MYOM2: variants seen among roughly 807,000 people sequenced by gnomAD.
The protein encoded by MYOM2 is myomesin-2.
MYOM2 carries 254 observed loss-of-function variants against 187.6 expected under a neutral mutation model. The observed-to-expected ratio is 1.35, with a 90% CI of 1.22 to 1.50. The LOEUF (loss-of-function observed/expected upper bound fraction) is 1.50. MYOM2 is among the 40% of genes most tolerant of loss of function. The pLI, the probability that MYOM2 is intolerant of heterozygous loss-of-function variation, is 0.00. For synonymous variants in MYOM2, 981 were observed against 753.8 expected, an observed-to-expected ratio of 1.30 and a Z score of -4.94; for missense variants, 2,796 against 1,924.0, an observed-to-expected ratio of 1.45 and a Z score of -8.48.
rs1819139250 is a variant in MYOM2 at position 2,069,442 on chromosome 8, T to C, written c.743-5T>C. ...TTCTGCTGCACTCACTTTGCTGTCTTGCAGGGTTCCGGGGAGACGAGGAAC... is the reference window on the plus strand; with the variant it reads ...TTCTGCTGCACTCACTTTGCTGTCTCGCAGGGTTCCGGGGAGACGAGGAAC... On this transcript the variant is annotated splice_region_variant and splice_polypyrimidine_tract_variant and intron_variant, in intron 7 of 36. Transcript: ENST00000262113. 2 of 1,614,226 alleles carry C rather than the reference T, an allele frequency of 1.2e-6. No individual in the cohort carries two copies. The highest frequency in any genetic ancestry group is 1.7e-6 in the Non-Finnish European group (2 of 1,180,032).
At chr8:2,093,760 G>A (rs1258587097) in intron 16 of MYOM2, among the ~76,000 whole-genome samples, 1 of 152,228 alleles carries the variant, frequency 6.6e-6, no homozygotes, top group Admixed American at 6.5e-5. Flanking sequence ...AGTGGCTTTG[G>A]CACCACGTGT....
At chr8:2,049,499 T>C (rs1818414511) in intron 1 of MYOM2, among the ~76,000 whole-genome samples, 1 of 152,144 alleles carries the variant, frequency 6.6e-6, no homozygotes, top group Non-Finnish European at 1.5e-5. Flanking sequence ...ACCCTGGAGA[T>C]CTGAACTATG....
chr8:2,079,645 G>GC (rs767271731), intron 13 of MYOM2, 32 bp downstream of exon 13: 19 of 1,608,340 alleles, frequency 1.2e-5, no homozygotes, highest in African/African-American at 6.7e-5. Context: ...CAGCTGCTCA[G>GC]CCCCTGGGGA....
chr8:2,083,977 G>A (rs556916965), intron 13 of MYOM2, among the ~76,000 whole-genome samples: 18 of 152,212 alleles, frequency 1.2e-4, no homozygotes, highest in Non-Finnish European at 2.4e-4. Flanking sequence ...TGCTGTCAGC[G>A]GCTCACACCT....
At chr8:2,085,529 T>A (rs1208582706) in intron 14 of MYOM2, 139 bp downstream of exon 14, 1 of 522,108 alleles carries the variant, frequency 1.9e-6, no homozygotes. Context: ...CCCACTGTTG[T>A]GATCTCTGCG....
In MYOM2 at chr8:2,078,911, C is replaced by T. The variant is rs769508658; in HGVS notation, c.1440C>T (p.Pro480=). The change falls in exon 12 of 37, where the codon CCC becomes CCT. Residue 480 remains proline, a synonymous_variant. Coordinates refer to ENST00000262113, the MANE Select transcript of MYOM2 (RefSeq NM_003970.4). Reference sequence around the variant, plus strand: ...CTGATGCGGTGGCTGCACTTGACCCCTTGGACCTCAGAAGGTTACAAGGTA... The same window carrying T: ...CTGATGCGGTGGCTGCACTTGACCCTTTGGACCTCAGAAGGTTACAAGGTA... The part of the protein sequence containing the change: ...RVSDAVAALD[P]LDLRRLQAVH... The T allele has an allele frequency of 1.2e-6, 2 of 1,613,834 alleles. No individual in the cohort carries two copies. The highest frequency in any genetic ancestry group is 2.7e-5 in the African/African-American group (2 of 74,920).
chr8:2,073,294 T>C, intron 9 of MYOM2, 45 bp from the exon 10 acceptor site: 2 of 1,575,346 alleles, frequency 1.3e-6, no homozygotes, highest in Non-Finnish European at 1.7e-6. Flanking sequence ...CTTTGCCTGC[T>C]GGGGTGATTT....
intron 25 of MYOM2, 61 bp downstream of exon 25, chr8:2,109,592 C>A: frequency 2.0e-6 from 3 of 1,522,080 alleles, no homozygotes; most frequent in South Asian, 1.2e-5. Flanking sequence ...TGTGGTAGGT[C>A]AGTTACTGAA....
chr8:2,102,114 A>G (rs1796729485), intron 20 of MYOM2: 1 of 152,340 alleles, frequency 6.6e-6, no homozygotes, highest in African/African-American at 2.4e-5. Context: ...CACGGGTGAC[A>G]CCTTCCGGAA....
chr8:2,079,580 A>G lies in MYOM2; in HGVS notation c.1483A>G (p.Lys495Glu). The G allele has an allele frequency of 2.5e-6, 4 of 1,614,122 alleles. No homozygotes were observed. Among genetic ancestry groups the G allele is most frequent in the Non-Finnish European group, 3.4e-6 (4 of 1,180,016 alleles). ...RLQAVHLEGE[K>E]EIAIYQDDLE... ...CGCAGCCGTTCATTTGGAGGGAGAGAAGGAGATTGCCATTTATCAGGATGA... is the reference window on the plus strand; with the variant it reads ...CGCAGCCGTTCATTTGGAGGGAGAGGAGGAGATTGCCATTTATCAGGATGA... Residue 495 changes from lysine (K) to glutamate (E), a missense_variant, in exon 13 of 37, where the codon AAG becomes GAG. Physicochemically the swap from Lys to Glu is moderately conservative, Grantham distance 56. Coordinates refer to ENST00000262113, the MANE Select transcript of MYOM2 (RefSeq NM_003970.4).
intron 21 of MYOM2, among the ~76,000 whole-genome samples, chr8:2,104,740 C>G (rs1416288209): frequency 6.6e-6 from 1 of 152,160 alleles, no homozygotes; most frequent in Non-Finnish European, 1.5e-5. Flanking sequence ...CGCTGCCCCA[C>G]AACATGGTAG....
Position 2,092,460 on chromosome 8 carries a change from G to T in MYOM2, c.1943G>T (p.Cys648Phe). ...GACCTGCTGGGCTACTACGTGGACT[G>T]CTGTGTGGCCGGAACCAACCTCTGG... The part of the protein sequence containing the change: ...EEDLLGYYVD[C>F]CVAGTNLWEP... Residue 648 changes from cysteine to phenylalanine, a missense_variant, in exon 16 of 37, where the codon TGC (cysteine) becomes TTC (phenylalanine). Physicochemically the swap from Cys to Phe is radical, Grantham distance 205. Transcript: ENST00000262113. 6.2e-7 allele frequency: 1 copy of T among 1,614,156 alleles called. No homozygotes were observed. The highest frequency in any genetic ancestry group is 8.5e-7 in the Non-Finnish European group (1 of 1,180,016).
chr8:2,066,170 G>A (rs1441805214), intron 6 of MYOM2, among the ~76,000 whole-genome samples: 2 of 152,176 alleles, frequency 1.3e-5, no homozygotes, highest in African/African-American at 2.4e-5. Flanking sequence ...CATCCCGTGA[G>A]TCCTGCCCTG....
intron 14 of MYOM2, among the ~76,000 whole-genome samples, chr8:2,087,173 C>G (rs368916068): frequency 6.6e-6 from 1 of 152,168 alleles, no homozygotes; most frequent in Non-Finnish European, 1.5e-5. Context: ...CTCCAATGTC[C>G]TACAAAGGCT....
In MYOM2 at chr8:2,091,365, A is replaced by T. The variant is rs528260750; in HGVS notation, c.1829-981A>T. Among the ~76,000 whole-genome samples, 27 of 152,270 alleles carry T rather than the reference A, an allele frequency of 1.8e-4. No individual in the cohort carries two copies. The South Asian group carries it at 5.2e-3, about 29-fold the overall frequency. Reference sequence around the variant, plus strand: ...AGCCAGGCACTAGAGTTTCTTGCCCATCTGGCTTGAAGGTCCCTCTTGGAA... The same window carrying T: ...AGCCAGGCACTAGAGTTTCTTGCCCTTCTGGCTTGAAGGTCCCTCTTGGAA... On this transcript the variant is annotated intron_variant, in intron 15 of 36. Coordinates refer to ENST00000262113, the MANE Select transcript of MYOM2 (RefSeq NM_003970.4).
Position 2,078,744 on chromosome 8 carries a change from G to A in MYOM2, c.1273G>A (p.Gly425Arg), listed in dbSNP as rs767820077. The A allele has an allele frequency of 8.7e-6, 14 of 1,613,976 alleles. No individual in the cohort carries two copies. Among genetic ancestry groups the A allele is most frequent in the Admixed American group, 5.0e-5 (3 of 59,998 alleles). ...TTTTTTAACTTGAAGATGTGAAGTA[G>A]GAACGAATAATTGGGTGCAGTGCAA... Reference protein sequence around the residue: ...MGYFVDRCEVGTNNWVQCNDA... With the variant: ...MGYFVDRCEVRTNNWVQCNDA... The change falls in exon 12 of 37, where the codon GGA becomes AGA. Residue 425 changes from glycine to arginine, a missense_variant. Gly to Arg is a moderately radical substitution (Grantham distance 125). Transcript: ENST00000262113.
intron 36 of MYOM2, 35 bp from the exon 37 acceptor site, chr8:2,144,629 A>T: frequency 6.2e-7 from 1 of 1,604,646 alleles, no homozygotes. Flanking sequence ...CCTTTTTCTA[A>T]CTCTTCCTTC....
rs1156603668 is a variant in MYOM2, at chr8:2,133,586, G to T, written c.3800+4354G>T. Among the ~76,000 whole-genome samples the T allele has an allele frequency of 4.6e-5, 7 of 152,298 alleles. No homozygotes were observed. The East Asian group carries it at 1.4e-3, about 29-fold the overall frequency. On this transcript the variant is annotated intron_variant, in intron 32 of 36. Coordinates refer to ENST00000262113, the MANE Select transcript of MYOM2 (RefSeq NM_003970.4). Reference sequence around the variant, plus strand: ...AGTGATTCTCCCACCTCAGCCTCCAGAGTAGCTGGGTTTACAGGCATGCGC... The same window carrying T: ...AGTGATTCTCCCACCTCAGCCTCCATAGTAGCTGGGTTTACAGGCATGCGC...
Position 2,059,207 on chromosome 8 carries a change from T to C in MYOM2, c.615T>C (p.Ile205=). 6.2e-7 allele frequency: 1 copy of C among 1,614,164 alleles called. No individual in the cohort carries two copies. Among genetic ancestry groups the C allele is most frequent in the East Asian group, 2.2e-5 (1 of 44,892 alleles). ...CGGCTGAACCGGGAAAGTACAGGAT[T>C]GAGAGCAACTATGGCGTACACACAC... ...CQAAEPGKYR[I]ESNYGVHTLE... is the part of the protein sequence containing the mutation. Residue 205 remains isoleucine, a synonymous_variant, in exon 6 of 37, where the codon ATT becomes ATC. Transcript: ENST00000262113.
Sources: allele counts gnomAD v4.1 joint callset (sites outside exome capture counted in the v4.1 genomes callset), GRCh38; gene constraint gnomAD v4.1.1; transcripts MANE v1.5; gene names NCBI Gene and HGNC (gene_info 2026-07-23, HGNC 2026-07-21).